Variants in CSMD3 observed in about 807,000 individuals in gnomAD.
The protein encoded by CSMD3 is CUB and Sushi multiple domains 3.
CSMD3 carries 177 observed loss-of-function variants against 435.2 expected under a neutral mutation model. The ratio of observed to expected loss-of-function variants is 0.41; its 90% CI spans 0.36 to 0.46. CSMD3 has a LOEUF of 0.46. CSMD3 is among the 20% of genes least tolerant of loss of function. CSMD3 has a pLI of 0.34. For missense variants in CSMD3, 4,265 were observed against 4,504.6 expected, an observed-to-expected ratio of 0.95 and a Z score of 1.52; for synonymous variants, 1,656 against 1,520.5, an observed-to-expected ratio of 1.09 and a Z score of -2.07.
intron 1 of CSMD3, among the ~76,000 whole-genome samples, chr8:113,355,743 T>TACAC (rs1188860861): frequency 3.1e-4 from 32 of 104,808 alleles, no homozygotes; most frequent in African/African-American, 1.0e-3. Flanking sequence ...TATATATATA[T>TACAC]ATATATACAC....
chr8:112,485,462 G>A (rs1401687593), intron 31 of CSMD3, among the ~76,000 whole-genome samples: 2 of 151,940 alleles, frequency 1.3e-5, no homozygotes, highest in Admixed American at 6.6e-5. Flanking sequence ...TATTAGATTA[G>A]ATAATCTCTA....
At chr8:112,635,514 A>T (rs1034058191) in intron 22 of CSMD3, among the ~76,000 whole-genome samples, 2 of 145,652 alleles carry the variant, frequency 1.4e-5, no homozygotes, top group Non-Finnish European at 3.0e-5. Context: ...AAATGTCCTT[A>T]AAAAAAAAAA....
chr8:113,304,904 T>G (rs1442679525), intron 2 of CSMD3, among the ~76,000 whole-genome samples: 17 of 74,058 alleles, frequency 2.3e-4, no homozygotes, highest in Non-Finnish European at 5.0e-5. Flanking sequence ...CCCTAAAACT[T>G]AAAGTATAAT....
intron 10 of CSMD3, among the ~76,000 whole-genome samples, chr8:112,909,255 G>GT (rs1564092565): frequency 6.6e-6 from 1 of 151,384 alleles, no homozygotes; most frequent in Non-Finnish European, 1.5e-5. Flanking sequence ...TCAGAGCATC[G>GT]TTTTTTCAGA....
intron 13 of CSMD3, among the ~76,000 whole-genome samples, chr8:112,696,067 C>T (rs935199893): frequency 7.2e-5 from 11 of 151,852 alleles, no homozygotes; most frequent in African/African-American, 1.7e-4. Context: ...CACTGCTCAG[C>T]GAAATAAAAG....
At chr8:112,968,245 C>A (rs2084499821) in intron 7 of CSMD3, among the ~76,000 whole-genome samples, 2 of 151,838 alleles carry the variant, frequency 1.3e-5, no homozygotes, top group Non-Finnish European at 2.9e-5. Flanking sequence ...GTCAGCTCAA[C>A]ACCAGTAGGG....
At chr8:112,716,207 G>C (rs184681210) in intron 13 of CSMD3, among the ~76,000 whole-genome samples, 2 of 152,248 alleles carry the variant, frequency 1.3e-5, no homozygotes, top group Admixed American at 1.3e-4. Flanking sequence ...TCCTTAAGCT[G>C]ATAAGCACTT....
chr8:112,696,204 C>T (rs1167225699), intron 13 of CSMD3, among the ~76,000 whole-genome samples: 1 of 152,132 alleles, frequency 6.6e-6, no homozygotes, highest in Non-Finnish European at 1.5e-5. Flanking sequence ...TGACCTTTTT[C>T]ACAGAATTTG....
chr8:113,300,659 T>C (rs148869602), intron 2 of CSMD3, among the ~76,000 whole-genome samples: 2 of 151,894 alleles, frequency 1.3e-5, no homozygotes, highest in Non-Finnish European at 2.9e-5. Context: ...GACATACAGA[T>C]GGGAACAATA....
intron 38 of CSMD3, among the ~76,000 whole-genome samples, chr8:112,369,176 T>A (rs56094101): frequency 0.39 from 59,819 of 151,844 alleles, 13,264 homozygotes; most frequent in Middle Eastern, 0.54. Context: ...ATTGGTTCTT[T>A]TCATATTATT....
intron 68 of CSMD3, among the ~76,000 whole-genome samples, chr8:112,233,332 T>C (rs1173797172): frequency 6.6e-6 from 1 of 152,194 alleles, no homozygotes; most frequent in Admixed American, 6.5e-5. Context: ...TATTCTTTAT[T>C]ATCAGACATT....
At chr8:112,902,725 G>A (rs188159362) in intron 10 of CSMD3, among the ~76,000 whole-genome samples, 7 of 151,412 alleles carry the variant, frequency 4.6e-5, no homozygotes, top group Non-Finnish European at 8.9e-5. Context: ...TAATCTAGCA[G>A]TTTAGTCTGC....
At chr8:112,677,064 T>C (rs987957130) in intron 16 of CSMD3, among the ~76,000 whole-genome samples, 4 of 152,070 alleles carry the variant, frequency 2.6e-5, no homozygotes, top group African/African-American at 4.8e-5. Context: ...AGACAGAATG[T>C]CAATCGAAAA....
At chr8:113,214,336 T>A (rs913057377) in intron 3 of CSMD3, among the ~76,000 whole-genome samples, 1 of 152,016 alleles carries the variant, frequency 6.6e-6, no homozygotes, top group African/African-American at 2.4e-5. Context: ...TGTGTATAAT[T>A]GAGGAGCAGA....
chr8:112,655,474 T>A (rs1156498775), intron 18 of CSMD3, among the ~76,000 whole-genome samples: 1 of 151,450 alleles, frequency 6.6e-6, no homozygotes, highest in Non-Finnish European at 1.5e-5. Flanking sequence ...ATGTGCAAGA[T>A]GTTTATAAAT....
intron 5 of CSMD3, among the ~76,000 whole-genome samples, chr8:113,063,634 A>G (rs531378912): frequency 3.5e-4 from 53 of 152,040 alleles, no homozygotes; most frequent in African/African-American, 1.3e-3. Flanking sequence ...TTCTTAATAA[A>G]TCAGTCTGCA....
chr8:113,353,197 C>T (rs1178760705), intron 1 of CSMD3, among the ~76,000 whole-genome samples: 1 of 151,948 alleles, frequency 6.6e-6, no homozygotes, highest in East Asian at 1.9e-4. Flanking sequence ...CAATAAAATA[C>T]TAAAGGACAT....
At chr8:112,530,253 T>C (rs1282679122) in intron 27 of CSMD3, among the ~76,000 whole-genome samples, 1 of 152,040 alleles carries the variant, frequency 6.6e-6, no homozygotes, top group Non-Finnish European at 1.5e-5. Flanking sequence ...AAATAATAGC[T>C]AAAATTTTCC....
At chr8:112,458,445 A>G (rs944965096) in intron 32 of CSMD3, among the ~76,000 whole-genome samples, 2 of 152,090 alleles carry the variant, frequency 1.3e-5, no homozygotes, top group African/African-American at 2.4e-5. Context: ...TCTAGAGTAG[A>G]TAAGAACATT....
Sources: allele counts gnomAD v4.1 joint callset (sites outside exome capture counted in the v4.1 genomes callset), GRCh38; gene constraint gnomAD v4.1.1; transcripts MANE v1.5; gene names NCBI Gene and HGNC (gene_info 2026-07-23, HGNC 2026-07-21).